The following RPH3A variants were observed in gnomAD, a reference collection of about 807,000 sequenced individuals.
RPH3A encodes rabphilin-3A.
Under a neutral mutation model 102.2 loss-of-function variants are expected in RPH3A, and 48 were observed. The observed-to-expected ratio is 0.47, with a 90% CI of 0.37 to 0.60. RPH3A has a LOEUF of 0.60. Among genes scored for constraint, RPH3A ranks in the 20% least tolerant of loss-of-function variants. The pLI is 0.00. For synonymous variants in RPH3A, 310 were observed against 324.3 expected, an observed-to-expected ratio of 0.96 and a Z score of 0.47; for missense variants, 781 against 910.1, an observed-to-expected ratio of 0.86 and a Z score of 1.83.
chr12:112,583,857 A>T (rs1207471979), intron 1 of RPH3A, among the ~76,000 whole-genome samples: 1 of 152,128 alleles, frequency 6.6e-6, no homozygotes, highest in African/African-American at 2.4e-5. Flanking sequence ...GTTGTGGCAG[A>T]TGCCTGTAGT....
chr12:112,666,753 A>T (rs566984429), intron 1 of RPH3A, among the ~76,000 whole-genome samples: 1 of 152,170 alleles, frequency 6.6e-6, no homozygotes, highest in African/African-American at 2.4e-5. Flanking sequence ...TCTCAGTGCT[A>T]CTCCCAGCAC....
chr12:112,823,975 C>T (rs969770632), intron 2 of RPH3A, among the ~76,000 whole-genome samples: 7 of 152,302 alleles, frequency 4.6e-5, no homozygotes, highest in South Asian at 2.1e-4. Context: ...GTAATGAGCT[C>T]GTGGAGCAGA....
intron 14 of RPH3A, among the ~76,000 whole-genome samples, chr12:112,879,968 G>C (rs949700745): frequency 4.6e-5 from 7 of 152,188 alleles, no homozygotes; most frequent in African/African-American, 1.7e-4. Flanking sequence ...CTCCCATAAG[G>C]ATAGTTGTGC....
At chr12:112,702,502 T>C (rs1278830678) in intron 1 of RPH3A, among the ~76,000 whole-genome samples, 1 of 152,208 alleles carries the variant, frequency 6.6e-6, no homozygotes, top group Non-Finnish European at 1.5e-5. Context: ...GATGAAGACA[T>C]TGATGCTCAG....
At chr12:112,744,790 C>A (rs1187785275) in intron 1 of RPH3A, among the ~76,000 whole-genome samples, 1 of 152,156 alleles carries the variant, frequency 6.6e-6, no homozygotes, top group East Asian at 1.9e-4. Flanking sequence ...CAGAAACCAG[C>A]CTTTACTCTG....
chr12:112,825,771 C>T (rs2041859357), intron 2 of RPH3A, among the ~76,000 whole-genome samples: 1 of 152,094 alleles, frequency 6.6e-6, no homozygotes, highest in East Asian at 1.9e-4. Context: ...GATTCAAGCT[C>T]TAAGCAAAGA....
chr12:112,828,444 C>A, intron 3 of RPH3A, 55 bp downstream of exon 3: 2 of 1,278,486 alleles, frequency 1.6e-6, no homozygotes, highest in Non-Finnish European at 2.2e-6. Flanking sequence ...GAGGTTTTGA[C>A]AATTCTACAC....
chr12:112,627,144 G>A (rs184081605), intron 1 of RPH3A, among the ~76,000 whole-genome samples: 8 of 145,324 alleles, frequency 5.5e-5, no homozygotes, highest in Admixed American at 2.1e-4. Context: ...CACCAGCATG[G>A]CACATGTATA....
chr12:112,830,125 CT>C (rs1449508984), intron 3 of RPH3A, among the ~76,000 whole-genome samples: 1 of 151,692 alleles, frequency 6.6e-6, no homozygotes, highest in Non-Finnish European at 1.5e-5. Flanking sequence ...GTATATTTAC[CT>C]CTTTAATATA....
chr12:112,719,280 G>C (rs1002574246), intron 1 of RPH3A, among the ~76,000 whole-genome samples: 2 of 152,204 alleles, frequency 1.3e-5, no homozygotes, highest in Admixed American at 1.3e-4. Flanking sequence ...AAATGGGGAA[G>C]TCAGACAGGA....
rs1214200014 is a variant in RPH3A, at chr12:112,634,264, C to T, written c.-140+58945C>T. ...TTGGGAGGCTGAGGCAGGAGAATGGCGTGAACCCGGGAGGCGGAGCTTGCA... is the reference window on the plus strand; with the variant it reads ...TTGGGAGGCTGAGGCAGGAGAATGGTGTGAACCCGGGAGGCGGAGCTTGCA... On this transcript the variant is annotated intron_variant, in intron 1 of 21. Coordinates refer to the RPH3A transcript ENST00000543106. Among the ~76,000 whole-genome samples, 2 of 38,822 alleles carry T rather than the reference C, an allele frequency of 5.2e-5. 1 individual carries two copies. The highest frequency in any genetic ancestry group is 8.9e-5 in the Non-Finnish European group (2 of 22,428). The allele number at this position is 38,822 out of a possible 152,430, so 25.5% of individuals were successfully genotyped here. A position where few individuals can be genotyped will look rare whatever the true frequency, so the allele number is the denominator to read the frequency against.
chr12:112,756,676 A>G (rs2040825409), intron 1 of RPH3A, among the ~76,000 whole-genome samples: 1 of 152,260 alleles, frequency 6.6e-6, no homozygotes, highest in Non-Finnish European at 1.5e-5. Context: ...GGTTGTTCCC[A>G]GTATCTAGCT....
chr12:112,643,182 A>G (rs2039903132), intron 1 of RPH3A, among the ~76,000 whole-genome samples: 1 of 152,144 alleles, frequency 6.6e-6, no homozygotes, highest in African/African-American at 2.4e-5. Context: ...GCATTTAACC[A>G]CCATCACGCT....
intron 10 of RPH3A, chr12:112,874,132 A>T (rs1054057914): frequency 2.0e-5 from 3 of 152,262 alleles, no homozygotes; most frequent in African/African-American, 7.2e-5. Flanking sequence ...TGCTGGATTC[A>T]GGAAAGATGG....
At chr12:112,590,562 C>G (rs1592896403) in intron 1 of RPH3A, among the ~76,000 whole-genome samples, 1 of 152,204 alleles carries the variant, frequency 6.6e-6, no homozygotes, top group Non-Finnish European at 1.5e-5. Flanking sequence ...CATGGGGTGA[C>G]TCAGATTTGG....
intron 1 of RPH3A, among the ~76,000 whole-genome samples, chr12:112,628,172 A>G (rs529691659): frequency 1.3e-5 from 2 of 152,026 alleles, no homozygotes; most frequent in Admixed American, 1.3e-4. Flanking sequence ...AATCCAAACC[A>G]TATCACAAGG....
At chr12:112,774,241 G>T (rs1401783085) in intron 1 of RPH3A, among the ~76,000 whole-genome samples, 2 of 151,956 alleles carry the variant, frequency 1.3e-5, no homozygotes, top group African/African-American at 4.8e-5. Flanking sequence ...TAGATATTTT[G>T]GATTAAAATT....
chr12:112,739,950 C>T (rs916925903), intron 1 of RPH3A, among the ~76,000 whole-genome samples: 2 of 152,148 alleles, frequency 1.3e-5, no homozygotes, highest in African/African-American at 4.8e-5. Flanking sequence ...TCATCCCCCC[C>T]CAGCCTTGGG....
Position 112,772,452 on chromosome 12 carries a change from C to A in RPH3A, c.-139-19691C>A, listed in dbSNP as rs187808420. On this transcript the variant is annotated intron_variant, in intron 1 of 21. Coordinates refer to the RPH3A transcript ENST00000543106. Reference sequence around the variant, plus strand: ...CAATAATGGAAATGCCCACTCCTTACCTTTCTAAGTGCCCCCAAGGGGGCT... The same window carrying A: ...CAATAATGGAAATGCCCACTCCTTAACTTTCTAAGTGCCCCCAAGGGGGCT... 1.1e-3 allele frequency among the ~76,000 whole-genome samples: 167 copies of A among 152,324 alleles called. 1 individual carries two copies. The highest frequency in any genetic ancestry group is 3.8e-3 in the African/African-American group (160 of 41,568).
Sources: gnomAD v4.1 joint callset for allele counts (sites outside exome capture counted in the v4.1 genomes callset) on GRCh38, gnomAD v4.1.1 for gene constraint, MANE v1.5 for transcripts, NCBI Gene and HGNC (gene_info 2026-07-23, HGNC 2026-07-21) for gene names.